Variants in TRPM3 observed in about 807,000 individuals in gnomAD.
TRPM3 encodes the protein transient receptor potential cation channel subfamily M member 3.
In TRPM3, 77 loss-of-function variants were observed where a neutral mutation model predicts 181.2. The observed-to-expected ratio is 0.42, with a 90% CI of 0.35 to 0.51. The LOEUF is 0.51. TRPM3 is among the 20% of genes least tolerant of loss of function. The pLI, the probability that TRPM3 is intolerant of heterozygous loss-of-function variation, is 0.01. For missense variants in TRPM3, 1,759 were observed against 2,196.7 expected, an observed-to-expected ratio of 0.80 and a Z score of 3.98; for synonymous variants, 745 against 796.4, an observed-to-expected ratio of 0.94 and a Z score of 1.09.
intron 1 of TRPM3, among the ~76,000 whole-genome samples, chr9:71,098,604 C>G (rs907913214): frequency 8.5e-5 from 13 of 152,064 alleles, no homozygotes; most frequent in African/African-American, 3.1e-4. Flanking sequence ...CCTCGCTAGA[C>G]CTAAGGATAA....
chr9:70,989,521 C>T (rs1012140448), intron 1 of TRPM3, among the ~76,000 whole-genome samples: 5 of 152,164 alleles, frequency 3.3e-5, no homozygotes, highest in African/African-American at 1.2e-4. Flanking sequence ...ACAGCTTTCT[C>T]CCTTATTACT....
chr9:70,601,109 C>T (rs1281342724), intron 20 of TRPM3, among the ~76,000 whole-genome samples: 2 of 152,080 alleles, frequency 1.3e-5, no homozygotes, highest in African/African-American at 4.8e-5. Context: ...CTCAGTTGTC[C>T]TTTCTAGCTG....
At chr9:71,325,203 AAAAC>A (rs1269055467) in intron 1 of TRPM3, among the ~76,000 whole-genome samples, 6 of 152,320 alleles carry the variant, frequency 3.9e-5, no homozygotes, top group East Asian at 1.9e-4. Flanking sequence ...AACCAAAACA[AAAAC>A]AAACAGACCT....
chr9:70,811,699 C>T (rs529118030), intron 6 of TRPM3, among the ~76,000 whole-genome samples: 102 of 152,258 alleles, frequency 6.7e-4, no homozygotes, highest in African/African-American at 2.4e-3. Flanking sequence ...CTTTTAATAA[C>T]ATTTTCCTGA....
chr9:71,164,055 T>A (rs2076403367), intron 1 of TRPM3, among the ~76,000 whole-genome samples: 1 of 152,100 alleles, frequency 6.6e-6, no homozygotes, highest in Non-Finnish European at 1.5e-5. Flanking sequence ...AATGAGCGTA[T>A]GCACAAAGGA....
At chr9:71,233,854 G>A (rs1347677803) in intron 1 of TRPM3, among the ~76,000 whole-genome samples, 1 of 152,178 alleles carries the variant, frequency 6.6e-6, no homozygotes, top group Non-Finnish European at 1.5e-5. Flanking sequence ...CCTTTAATCA[G>A]ACTGAATAAA....
intron 1 of TRPM3, among the ~76,000 whole-genome samples, chr9:71,027,897 G>T (rs1488636619): frequency 3.9e-5 from 6 of 152,160 alleles, no homozygotes; most frequent in Non-Finnish European, 8.8e-5. Flanking sequence ...CATATTTCAG[G>T]ATTTCAGCCA....
intron 1 of TRPM3, among the ~76,000 whole-genome samples, chr9:71,267,104 T>C (rs1220573028): frequency 6.6e-6 from 1 of 152,144 alleles, no homozygotes; most frequent in Non-Finnish European, 1.5e-5. Context: ...TCTGCCTACC[T>C]GGAGCACTGG....
At chr9:70,846,757 T>A (rs2094972970) in intron 3 of TRPM3, among the ~76,000 whole-genome samples, 166 bp from the exon 4 acceptor site, 1 of 152,232 alleles carries the variant, frequency 6.6e-6, no homozygotes, top group Non-Finnish European at 1.5e-5. Context: ...GAGCCTTCAT[T>A]AGACAGAGTT....
rs540113583 is a variant in TRPM3 at position 70,985,189 on chromosome 9, T to G, written c.178-120678A>C. Among the ~76,000 whole-genome samples the G allele has an allele frequency of 1.3e-3, 200 of 152,336 alleles. 2 individuals are homozygous for G. The highest frequency in any genetic ancestry group is 4.4e-3 in the African/African-American group (185 of 41,582). On this transcript the variant is annotated intron_variant, in intron 1 of 25. Transcript: ENST00000677713. ...AGCCAATATTACACAGTCCTTAAGCTAAAAATGCCAGAGGTAAGCCTGAGA... is the reference window on the plus strand; with the variant it reads ...AGCCAATATTACACAGTCCTTAAGCGAAAAATGCCAGAGGTAAGCCTGAGA...
chr9:70,906,282 A>T (rs1220707629), intron 1 of TRPM3, among the ~76,000 whole-genome samples: 1 of 152,188 alleles, frequency 6.6e-6, no homozygotes, highest in Non-Finnish European at 1.5e-5. Context: ...ATTACAGAAA[A>T]TAAATGAGGA....
intron 9 of TRPM3, among the ~76,000 whole-genome samples, chr9:70,652,297 C>T (rs2059696852): frequency 1.3e-5 from 2 of 151,780 alleles, no homozygotes; most frequent in South Asian, 4.2e-4. Flanking sequence ...ATTTGAAGTG[C>T]TAAGTGACAC....
At chr9:70,968,988 C>T (rs1013826344) in intron 1 of TRPM3, among the ~76,000 whole-genome samples, 5 of 152,090 alleles carry the variant, frequency 3.3e-5, no homozygotes, top group Non-Finnish European at 7.4e-5. Context: ...AGAGCAATGG[C>T]AACAAAAGCC....
intron 1 of TRPM3, among the ~76,000 whole-genome samples, chr9:71,101,890 G>GCC: frequency 1.3e-5 from 2 of 152,198 alleles, no homozygotes; most frequent in Admixed American, 1.3e-4. Flanking sequence ...TAACAAACTG[G>GCC]TAAAGGCCAT....
intron 9 of TRPM3, among the ~76,000 whole-genome samples, chr9:70,657,827 C>T (rs1470435516): frequency 1.3e-5 from 2 of 152,128 alleles, no homozygotes; most frequent in Admixed American, 6.6e-5. Flanking sequence ...AAACTGCATT[C>T]TGGAGACACA....
intron 1 of TRPM3, among the ~76,000 whole-genome samples, chr9:70,926,329 T>C (rs988839877): frequency 2.6e-5 from 4 of 152,200 alleles, no homozygotes; most frequent in African/African-American, 7.2e-5. Flanking sequence ...CAAACTGACA[T>C]ACTTATCTGT....
chr9:70,890,623 C>T (rs573291440), intron 1 of TRPM3, among the ~76,000 whole-genome samples: 60 of 151,886 alleles, frequency 4.0e-4, no homozygotes, highest in African/African-American at 1.3e-3. Flanking sequence ...TCAAGGAAAT[C>T]TAGAATGCAA....
chr9:70,660,431 C>G (rs2060959882), intron 9 of TRPM3, among the ~76,000 whole-genome samples: 1 of 152,102 alleles, frequency 6.6e-6, no homozygotes, highest in Admixed American at 6.6e-5. Context: ...GCCTCTGCTT[C>G]AAGTTGTCCT....
chr9:71,368,322 A>G (rs2092406260), intron 1 of TRPM3, among the ~76,000 whole-genome samples: 1 of 152,186 alleles, frequency 6.6e-6, no homozygotes, highest in Admixed American at 6.5e-5. Context: ...ATCTTTCACT[A>G]GCCAACAGTG....
Sources: gnomAD v4.1 joint callset for allele counts (sites outside exome capture counted in the v4.1 genomes callset) on GRCh38, gnomAD v4.1.1 for gene constraint, MANE v1.5 for transcripts, NCBI Gene and HGNC (gene_info 2026-07-23, HGNC 2026-07-21) for gene names.